The following DCLK3 variants were observed in gnomAD, a reference collection of about 807,000 sequenced individuals.
DCLK3 encodes doublecortin like kinase 3.
DCLK3 carries 30 observed loss-of-function variants against 46.4 expected under a neutral mutation model. The observed-to-expected ratio is 0.65, with a 90% confidence interval of 0.48 to 0.88. The LOEUF (loss-of-function observed/expected upper bound fraction) is 0.88. DCLK3 is among the 40% of genes least tolerant of loss of function. The pLI, the probability that DCLK3 is intolerant of heterozygous loss-of-function variation, is 0.00. For synonymous variants in DCLK3, 401 were observed against 339.2 expected (o/e 1.18, Z -2.00); for missense variants, 846 against 907.1 (o/e 0.93, Z 0.87).
chr3:36,746,354 C>T (rs990247570), intron 1 of DCLK3, among the ~76,000 whole-genome samples: 2 of 152,234 alleles, frequency 1.3e-5, no homozygotes, highest in African/African-American at 4.8e-5. Flanking sequence ...TGCTCCATCT[C>T]ATGATAACTT....
intron 1 of DCLK3, among the ~76,000 whole-genome samples, chr3:36,747,702 T>C (rs1005788411): frequency 6.6e-6 from 1 of 152,158 alleles, no homozygotes; most frequent in Non-Finnish European, 1.5e-5. Flanking sequence ...AGATCTTTTC[T>C]TGCATCTGCT....
At chr3:36,716,088 G>C (rs1461697084) in intron 4 of DCLK3, among the ~76,000 whole-genome samples, 1 of 152,156 alleles carries the variant, frequency 6.6e-6, no homozygotes, top group Non-Finnish European at 1.5e-5. Context: ...AGTAAATAGT[G>C]CAAATTCAAA....
rs1225169815 is a variant in DCLK3, at chr3:36,751,075, A to AAAC, written c.83-11992_83-11991insGTT. Reference sequence around the variant, plus strand: ...AGACGGGATGATCTAAAAAAAAAAAAAAAAAAAAAAACTCCCCGAAGTGTA... The same window carrying AAAC: ...AGACGGGATGATCTAAAAAAAAAAAAAACAAAAAAAAAAACTCCCCGAAGTGTA... On this transcript the variant is annotated intron_variant, in intron 1 of 4. Coordinates refer to ENST00000636136, the MANE Select transcript of DCLK3 (RefSeq NM_001394672.2). Among the ~76,000 whole-genome samples, 18 of 150,982 alleles carry AAAC rather than the reference A, an allele frequency of 1.2e-4. No homozygotes were observed. In the East Asian group the frequency reaches 3.3e-3, roughly 28 times the overall value.
chr3:36,740,574 G>A (rs1701334128), intron 1 of DCLK3, among the ~76,000 whole-genome samples: 1 of 152,206 alleles, frequency 6.6e-6, no homozygotes, highest in South Asian at 2.1e-4. Context: ...TAATGAGAAT[G>A]TACATGAATA....
rs1242716291 is a variant in DCLK3 at position 36,737,511 on chromosome 3, C to T, written c.1656G>A (p.Ala552=). Residue 552 remains alanine, a synonymous_variant, in exon 2 of 5, where the codon GCG becomes GCA. Transcript: ENST00000636136. The surrounding 1 kb of genome is among the most constrained non-coding windows in gnomAD (Gnocchi z 4.4). ...GTCTGGACTTGTCAATGATCTTCAT[C>T]GCATAGGCCTGCCTGGTCTCGCGGT... is the stretch of plus-strand genomic sequence containing the variant. ...CRHRETRQAY[A]MKIIDKSRLK... is the part of the protein sequence containing the mutation. The T allele has an allele frequency of 1.4e-5, 22 of 1,614,094 alleles. No homozygotes were observed. Among genetic ancestry groups the T allele is most frequent in the Admixed American group, 3.3e-5 (2 of 60,006 alleles).
In DCLK3 at chr3:36,764,252, G is replaced by A; in HGVS notation, c.12C>T (p.Ala4=). 3.5e-6 allele frequency: 1 copy of A among 286,784 alleles called. No individual in the cohort carries two copies. The highest frequency in any genetic ancestry group is 6.5e-6 in the Non-Finnish European group (1 of 155,012). 17.8% of individuals were successfully genotyped at this position (286,784 alleles called of 1,614,324 possible). Residue 4 remains alanine (A), a synonymous_variant, in exon 1 of 5, where the codon GCC becomes GCT. Transcript: ENST00000636136. The surrounding 1 kb of genome is among the most constrained non-coding windows in gnomAD (Gnocchi z 4.9). MPA[A]TPAPQPPPPP... ...GCGGCGGCGGCTGCGGGGCTGGAGT[G>A]GCGGCGGGCATGGCGCGGCGGCGGG... is the stretch of plus-strand genomic sequence containing the variant.
At chr3:36,741,081 C>G (rs1701339664) in intron 1 of DCLK3, among the ~76,000 whole-genome samples, 1 of 152,224 alleles carries the variant, frequency 6.6e-6, no homozygotes, top group Non-Finnish European at 1.5e-5. Flanking sequence ...TACATATGGA[C>G]ATCTGTTATC....
rs1311241669 is a variant in DCLK3, at chr3:36,714,823, TA to T, written c.*504del. 6.5e-6 allele frequency: 1 copy of T among 153,740 alleles called. No individual in the cohort carries two copies. Among genetic ancestry groups the T allele is most frequent in the African/African-American group, 2.4e-5 (1 of 41,342 alleles). 9.5% of individuals were successfully genotyped at this position (153,740 alleles called of 1,614,324 possible). A position where few individuals can be genotyped will look rare whatever the true frequency, so the allele number is the denominator to read the frequency against. On this transcript the variant is annotated 3_prime_UTR_variant, in exon 5 of 5. Coordinates refer to ENST00000636136, the MANE Select transcript of DCLK3 (RefSeq NM_001394672.2). Reference sequence around the variant, plus strand: ...ATCAAGTGTCCTTCACATCTATATGTAGTCATATCAGCTTCAGGAGATATGC... The same window carrying T: ...ATCAAGTGTCCTTCACATCTATATGTGTCATATCAGCTTCAGGAGATATGC...
rs1701007063 is a variant in DCLK3, at chr3:36,718,053, G to A, written c.2217C>T (p.Gly739=). The A allele has an allele frequency of 6.2e-7, 1 of 1,614,004 alleles. No homozygotes were observed. The highest frequency in any genetic ancestry group is 8.5e-7 in the Non-Finnish European group (1 of 1,180,026). Residue 739 remains glycine, a synonymous_variant, in exon 4 of 5, where the codon GGC becomes GGT. Transcript: ENST00000636136. ...QDELFNIIQL[G]HFEFLPPYWD... The stretch of plus-strand genomic sequence containing the variant: ...AGTAAGGGGGGAGGAACTCAAAGTG[G>A]CCCAGCTGGATGATGTTAAAGAGCT...
At chr3:36,724,078 A>G (rs1245194855) in intron 2 of DCLK3, among the ~76,000 whole-genome samples, 1 of 152,210 alleles carries the variant, frequency 6.6e-6, no homozygotes, top group Middle Eastern at 3.2e-3. Context: ...CACCTCTTGC[A>G]TTAGCGTGAC....
At chr3:36,763,562 C>T (rs1290133048) in intron 1 of DCLK3, among the ~76,000 whole-genome samples, 1 of 152,172 alleles carries the variant, frequency 6.6e-6, no homozygotes, top group African/African-American at 2.4e-5. Context: ...TTTGGTTCTT[C>T]TGTGTTTCTT....
chr3:36,764,247 G>A lies in DCLK3; in HGVS notation c.17C>T (p.Pro6Leu), dbSNP rs995869805. ...CGGGGGCGGCGGCGGCTGCGGGGCT[G>A]GAGTGGCGGCGGGCATGGCGCGGCG... MPAAT[P>L]APQPPPPPAR... is the part of the protein sequence containing the mutation. The change falls in exon 1 of 5, where the codon CCA becomes CTA. Residue 6 changes from proline to leucine, a missense_variant. Coordinates refer to ENST00000636136, the MANE Select transcript of DCLK3 (RefSeq NM_001394672.2). The surrounding 1 kb of genome is among the most constrained non-coding windows in gnomAD (Gnocchi z 4.9). 1.3e-5 allele frequency: 4 copies of A among 297,050 alleles called. No individual in the cohort carries two copies. The highest frequency in any genetic ancestry group is 6.7e-5 in the African/African-American group (3 of 44,920). The allele number at this position is 297,050 out of a possible 1,614,324, so 18.4% of individuals were successfully genotyped here.
intron 1 of DCLK3, among the ~76,000 whole-genome samples, chr3:36,747,678 T>C (rs1701404745): frequency 6.6e-6 from 1 of 152,092 alleles, no homozygotes; most frequent in South Asian, 2.1e-4. Flanking sequence ...TTTACATAAA[T>C]AGGGGGAGGA....
chr3:36,735,911 C>T (rs1456744648), intron 2 of DCLK3, among the ~76,000 whole-genome samples: 1 of 152,172 alleles, frequency 6.6e-6, no homozygotes. Flanking sequence ...CTGAATGAAA[C>T]AAAGTCCATG....
In DCLK3 at chr3:36,713,297, T is replaced by C. The variant is rs897203675; in HGVS notation, c.*2031A>G. Reference sequence around the variant, plus strand: ...CCAGAAAAATGTGACATCATGGTAGTCAACAGGAGAAATTATTCAAAGAGA... The same window carrying C: ...CCAGAAAAATGTGACATCATGGTAGCCAACAGGAGAAATTATTCAAAGAGA... On this transcript the variant is annotated 3_prime_UTR_variant, in exon 5 of 5. Transcript: ENST00000636136. The C allele has an allele frequency of 6.6e-6, 1 of 152,202 alleles. No homozygotes were observed. Among genetic ancestry groups the C allele is most frequent in the Non-Finnish European group, 1.5e-5 (1 of 68,026 alleles). 9.4% of individuals were successfully genotyped at this position (152,202 alleles called of 1,614,324 possible).
chr3:36,715,881 G>A (rs143555764), intron 4 of DCLK3, among the ~76,000 whole-genome samples: 195 of 152,270 alleles, frequency 1.3e-3, no homozygotes, highest in East Asian at 8.9e-3. Context: ...CTCTGGAATC[G>A]CAGGGCCAGA....
intron 4 of DCLK3, among the ~76,000 whole-genome samples, chr3:36,715,839 A>T (rs965217539): frequency 6.6e-6 from 1 of 152,218 alleles, no homozygotes; most frequent in Non-Finnish European, 1.5e-5. Context: ...ACCATGTTGG[A>T]CAGCACAGCT....
chr3:36,745,148 G>A (rs1701382411), intron 1 of DCLK3, among the ~76,000 whole-genome samples: 1 of 152,118 alleles, frequency 6.6e-6, no homozygotes, highest in South Asian at 2.1e-4. Flanking sequence ...TCTGTTATAA[G>A]ATTAGCTGCT....
Position 36,739,031 on chromosome 3 carries a change from C to A in DCLK3, c.136G>T (p.Glu46Ter). 1 of 398,882 alleles carries A rather than the reference C, an allele frequency of 2.5e-6. No individual in the cohort carries two copies. The highest frequency in any genetic ancestry group is 1.3e-4 in the South Asian group (1 of 7,836). 24.7% of individuals were successfully genotyped at this position (398,882 alleles called of 1,614,324 possible). A position where few individuals can be genotyped will look rare whatever the true frequency, so the allele number is the denominator to read the frequency against. The stretch of plus-strand genomic sequence containing the variant: ...AGCCAGGAGCCTTGCAGCTTCCGCT[C>A]TGTGATTCTCGAGCTTAAATATTTT... ...SLKYLSSRIT[E>*]RKLQGSWLPA... Residue 46 changes from glutamate to a stop codon, truncating the protein, a stop_gained, in exon 2 of 5, where the codon GAG becomes TAG. Transcript: ENST00000636136. LOFTEE classifies it high-confidence loss of function.
Sources: allele counts gnomAD v4.1 joint callset (sites outside exome capture counted in the v4.1 genomes callset), GRCh38; gene constraint gnomAD v4.1.1; non-coding constraint Gnocchi (gnomAD v3.1); transcripts MANE v1.5; gene names NCBI Gene and HGNC (gene_info 2026-07-23, HGNC 2026-07-21).